Variants in PCDH15 observed in about 807,000 individuals in gnomAD.
PCDH15 encodes protocadherin-15.
PCDH15 carries 129 observed loss-of-function variants against 178.5 expected under a neutral mutation model. The observed-to-expected ratio is 0.72, with a 90% CI of 0.63 to 0.84. PCDH15 has a LOEUF of 0.84. Ranked by LOEUF, PCDH15 falls within the 40% of genes least tolerant of loss-of-function variation. The pLI, the probability that PCDH15 is intolerant of heterozygous loss-of-function variation, is 0.00. For missense variants in PCDH15, 2,230 were observed against 2,099.9 expected, an observed-to-expected ratio of 1.06 and a Z score of -1.21; for synonymous variants, 800 against 732.0, an observed-to-expected ratio of 1.09 and a Z score of -1.50.
At chr10:54,781,893 T>A (rs993540740) in intron 1 of PCDH15, among the ~76,000 whole-genome samples, 3 of 152,168 alleles carry the variant, frequency 2.0e-5, no homozygotes. Context: ...GTACTATGCG[T>A]TTACATTTAG....
intron 29 of PCDH15, 60 bp from the exon 30 acceptor site, chr10:53,831,593 A>AT: frequency 7.9e-7 from 1 of 1,260,162 alleles, no homozygotes; most frequent in Non-Finnish European, 1.1e-6. Context: ...CATTTTAAAA[A>AT]TAAAATCTTT....
intron 2 of PCDH15, among the ~76,000 whole-genome samples, chr10:55,410,834 T>C (rs147195662): frequency 0.018 from 2,742 of 152,180 alleles, 40 homozygotes; most frequent in Non-Finnish European, 0.026. Context: ...CATTTCCCCA[T>C]GTTCAAGCCG....
chr10:54,707,791 A>T (rs1236280504), intron 1 of PCDH15, among the ~76,000 whole-genome samples: 2 of 152,184 alleles, frequency 1.3e-5, no homozygotes, highest in African/African-American at 4.8e-5. Context: ...AGATAAAAAA[A>T]ACCACATGCT....
chr10:55,347,987 T>A (rs183047673), intron 2 of PCDH15, among the ~76,000 whole-genome samples: 11 of 152,194 alleles, frequency 7.2e-5, no homozygotes, highest in African/African-American at 2.6e-4. Context: ...ACAAGGTCTT[T>A]GAAGTCTGCT....
chr10:54,746,963 T>TA (rs374511069), intron 1 of PCDH15, among the ~76,000 whole-genome samples: 1 of 152,188 alleles, frequency 6.6e-6, no homozygotes, highest in Non-Finnish European at 1.5e-5. Flanking sequence ...ATTTGTGACT[T>TA]ACAATATTTT....
chr10:54,194,086 G>T lies in PCDH15; in HGVS notation c.1305+1597C>A, dbSNP rs138882583. On this transcript the variant is annotated intron_variant, in intron 11 of 37. Coordinates refer to ENST00000644397, the MANE Select transcript of PCDH15 (RefSeq NM_001384140.1). The stretch of plus-strand genomic sequence containing the variant: ...TGAAAAAAAAAAAAAAGCTAGAATG[G>T]AAAAAGAAAACAAAGCAAAGAGAAA... Among the ~76,000 whole-genome samples, 571 of 148,024 alleles carry T rather than the reference G, an allele frequency of 3.9e-3. 2 individuals are homozygous for T. Among genetic ancestry groups the T allele is most frequent in the Middle Eastern group, 0.029 (8 of 280 alleles).
intron 2 of PCDH15, among the ~76,000 whole-genome samples, chr10:55,590,934 C>T (rs892749857): frequency 2.0e-5 from 3 of 151,842 alleles, no homozygotes; most frequent in Non-Finnish European, 2.9e-5. Flanking sequence ...TAATGTTAGC[C>T]AAAAACGTGT....
intron 26 of PCDH15, among the ~76,000 whole-genome samples, chr10:53,888,009 T>A (rs1309182312): frequency 2.6e-5 from 4 of 152,000 alleles, no homozygotes; most frequent in African/African-American, 9.6e-5. Context: ...ACAGAAATAC[T>A]ATAATAATTT....
chr10:55,419,652 G>A (rs1381590320), intron 2 of PCDH15, among the ~76,000 whole-genome samples: 1 of 151,616 alleles, frequency 6.6e-6, no homozygotes, highest in East Asian at 1.9e-4. Context: ...TTGAAACTCT[G>A]GTGCCAACAG....
At chr10:55,142,567 TTGTG>T (rs1022782278) in intron 2 of PCDH15, among the ~76,000 whole-genome samples, 3 of 151,072 alleles carry the variant, frequency 2.0e-5, no homozygotes, top group Admixed American at 2.0e-4. Context: ...GGTACATAGA[TTGTG>T]TGTATCTATA....
At chr10:54,728,233 A>T (rs2132610878) in intron 1 of PCDH15, among the ~76,000 whole-genome samples, 1 of 151,736 alleles carries the variant, frequency 6.6e-6, no homozygotes, top group African/African-American at 2.4e-5. Flanking sequence ...TTAATCAACC[A>T]AAATTATGAA....
chr10:55,368,990 C>G (rs955918562), intron 2 of PCDH15, among the ~76,000 whole-genome samples: 1 of 136,422 alleles, frequency 7.3e-6, no homozygotes, highest in Non-Finnish European at 1.6e-5. Context: ...CTTGGATAGT[C>G]CTGATCTCAT....
chr10:54,647,410 T>C (rs1003566154), intron 2 of PCDH15, among the ~76,000 whole-genome samples: 3 of 151,818 alleles, frequency 2.0e-5, no homozygotes, highest in South Asian at 2.1e-4. Flanking sequence ...AGATATTTAG[T>C]TATGAAAGAT....
chr10:54,983,395 A>T (rs1324676510), intron 2 of PCDH15, among the ~76,000 whole-genome samples: 2 of 152,112 alleles, frequency 1.3e-5, no homozygotes, highest in Non-Finnish European at 2.9e-5. Context: ...ATGAAAAAAA[A>T]TTTTAAATGT....
At chr10:54,940,759 C>T (rs747915120) in intron 2 of PCDH15, among the ~76,000 whole-genome samples, 2 of 151,650 alleles carry the variant, frequency 1.3e-5, no homozygotes, top group Admixed American at 6.6e-5. Context: ...TGGAGTGCCC[C>T]TCTTATCATT....
intron 7 of PCDH15, among the ~76,000 whole-genome samples, chr10:54,323,852 A>G (rs905873255): frequency 5.3e-5 from 8 of 152,320 alleles, no homozygotes; most frequent in African/African-American, 1.4e-4. Context: ...TAATGCTTCT[A>G]TGAACATTAA....
chr10:55,325,355 T>C (rs997683549), intron 2 of PCDH15, among the ~76,000 whole-genome samples: 2 of 151,998 alleles, frequency 1.3e-5, no homozygotes, highest in Non-Finnish European at 2.9e-5. Context: ...TAGCATGGTA[T>C]GGTACAGAAA....
At chr10:55,538,045 T>A (rs946151720) in intron 2 of PCDH15, among the ~76,000 whole-genome samples, 1 of 152,208 alleles carries the variant, frequency 6.6e-6, no homozygotes, top group Non-Finnish European at 1.5e-5. Context: ...TTACATAGAA[T>A]GATGGCTTGA....
In PCDH15 at chr10:55,111,232, T is replaced by G. The variant is rs980624054; in HGVS notation, c.-80+55344A>C. ...AAAAGTGGTATAGATTAATTAATCA[T>G]TTATTAAGGCAATCTATAAATCCTC... On this transcript the variant is annotated intron_variant, in intron 2 of 5. Transcript: ENST00000458638. 3.3e-5 allele frequency among the ~76,000 whole-genome samples: 5 copies of G among 152,284 alleles called. No homozygotes were observed. In the South Asian group the frequency reaches 1.0e-3, roughly 32 times the overall value.
Sources: gnomAD v4.1 joint callset for allele counts (sites outside exome capture counted in the v4.1 genomes callset) on GRCh38, gnomAD v4.1.1 for gene constraint, MANE v1.5 for transcripts, NCBI Gene and HGNC (gene_info 2026-07-23, HGNC 2026-07-21) for gene names.